Variants in JARID2 observed in about 807,000 individuals in gnomAD.
JARID2 encodes jumonji and AT-rich interaction domain containing 2.
Under a neutral mutation model 125.6 loss-of-function variants are expected in JARID2, and 21 were observed. The ratio of observed to expected loss-of-function variants is 0.17; its 90% CI spans 0.12 to 0.24. The LOEUF is 0.24. Among genes scored for constraint, JARID2 ranks in the 10% least tolerant of loss-of-function variants. The pLI is 1.00. For synonymous variants in JARID2, 736 were observed against 661.6 expected, an observed-to-expected ratio of 1.11 and a Z score of -1.73; for missense variants, 1,303 against 1,639.6, an observed-to-expected ratio of 0.79 and a Z score of 3.55.
At chr6:15,353,855 C>T (rs928594048) in intron 1 of JARID2, among the ~76,000 whole-genome samples, 3 of 152,148 alleles carry the variant, frequency 2.0e-5, no homozygotes, top group African/African-American at 7.2e-5. Context: ...CTCAGGTGTT[C>T]ATACTTCGTC....
intron 3 of JARID2, among the ~76,000 whole-genome samples, chr6:15,417,783 C>T (rs2127582202): frequency 1.3e-5 from 2 of 152,242 alleles, no homozygotes; most frequent in South Asian, 2.1e-4. Context: ...AAAAAATTCT[C>T]ATGTATAAAT....
At chr6:15,354,279 A>G (rs1763526874) in intron 1 of JARID2, among the ~76,000 whole-genome samples, 1 of 152,220 alleles carries the variant, frequency 6.6e-6, no homozygotes, top group African/African-American at 2.4e-5. Context: ...GCATATTAGC[A>G]GCCGTTAGAA....
chr6:15,297,507 TA>T (rs932639613), intron 1 of JARID2, among the ~76,000 whole-genome samples: 8 of 151,324 alleles, frequency 5.3e-5, no homozygotes, highest in Non-Finnish European at 1.2e-4. Flanking sequence ...TTTTTTAAAC[TA>T]AAAGTGTTTT....
chr6:15,441,982 A>G (rs752206611), intron 3 of JARID2, among the ~76,000 whole-genome samples: 14 of 151,808 alleles, frequency 9.2e-5, no homozygotes, highest in Admixed American at 2.6e-4. Flanking sequence ...AGTAGAGACC[A>G]TGTTAGTCAG....
At chr6:15,440,959 TTAAG>T (rs1325465268) in intron 3 of JARID2, among the ~76,000 whole-genome samples, 1 of 152,228 alleles carries the variant, frequency 6.6e-6, no homozygotes, top group Non-Finnish European at 1.5e-5. Context: ...TGGTGATAGT[TTAAG>T]TAATGCCCCA....
chr6:15,509,047 G>T lies in JARID2; in HGVS notation c.2846+593G>T, dbSNP rs142603430. On this transcript the variant is annotated intron_variant, in intron 12 of 17. Transcript: ENST00000341776. ...TTGGGAATCTCGTTCCTGCCATGTG[G>T]AGACACGCGCGTTATGTACCCTGTG... 2,463 of 1,289,326 alleles carry T rather than the reference G, an allele frequency of 1.9e-3. 5 individuals carry two copies. The highest frequency in any genetic ancestry group is 2.3e-3 in the Non-Finnish European group (2,290 of 988,868). 79.9% of individuals were successfully genotyped at this position (1,289,326 alleles called of 1,614,324 possible).
At chr6:15,314,601 G>A (rs917658024) in intron 1 of JARID2, among the ~76,000 whole-genome samples, 3 of 152,126 alleles carry the variant, frequency 2.0e-5, no homozygotes, top group African/African-American at 7.2e-5. Context: ...AATCAGTTTG[G>A]TGCTTGTGTA....
Position 15,505,703 on chromosome 6 carries a change from G to A in JARID2, c.2541+1111G>A, listed in dbSNP as rs560244045. The stretch of plus-strand genomic sequence containing the variant: ...TGCCTACACTGTGTACCCTGGGTGC[G>A]GCTGTTGAATGCCACGCAGTGGCCT... On this transcript the variant is annotated intron_variant, in intron 9 of 17. Transcript: ENST00000341776. Among the ~76,000 whole-genome samples the A allele has an allele frequency of 5.3e-5, 8 of 152,364 alleles. No individual in the cohort carries two copies. In the East Asian group the frequency reaches 1.2e-3, roughly 22 times the overall value.
intron 2 of JARID2, among the ~76,000 whole-genome samples, chr6:15,385,053 G>T (rs1394973021): frequency 3.3e-5 from 5 of 152,164 alleles, no homozygotes; most frequent in African/African-American, 1.2e-4. Flanking sequence ...TGCAAATGAG[G>T]CTGTGCTATG....
intron 1 of JARID2, among the ~76,000 whole-genome samples, chr6:15,324,849 TAA>T (rs376782627): frequency 5.7e-5 from 8 of 139,880 alleles, no homozygotes; most frequent in Non-Finnish European, 4.7e-5. Flanking sequence ...GTTTTGTTAT[TAA>T]AAAAAAAAAA....
intron 1 of JARID2, among the ~76,000 whole-genome samples, chr6:15,253,787 G>A (rs764852274): frequency 1.3e-5 from 2 of 152,104 alleles, no homozygotes; most frequent in African/African-American, 2.4e-5. Context: ...TTCTCTTAAC[G>A]GGATTGTGAA....
At chr6:15,413,550 T>G (rs1359223409) in intron 3 of JARID2, among the ~76,000 whole-genome samples, 1 of 152,240 alleles carries the variant, frequency 6.6e-6, no homozygotes, top group Non-Finnish European at 1.5e-5. Flanking sequence ...GCATTATAAC[T>G]TGGCAAGAGA....
intron 3 of JARID2, among the ~76,000 whole-genome samples, chr6:15,423,531 G>A (rs1044467370): frequency 3.3e-5 from 5 of 152,186 alleles, no homozygotes; most frequent in African/African-American, 1.2e-4. Flanking sequence ...ACAAAGACAG[G>A]CTGGTATTTT....
At chr6:15,332,354 A>T (rs1762737454) in intron 1 of JARID2, among the ~76,000 whole-genome samples, 1 of 152,228 alleles carries the variant, frequency 6.6e-6, no homozygotes, top group South Asian at 2.1e-4. Context: ...ATTAGAATAT[A>T]TCATGTAATA....
chr6:15,421,541 T>C (rs1353831480), intron 3 of JARID2, among the ~76,000 whole-genome samples: 1 of 152,208 alleles, frequency 6.6e-6, no homozygotes, highest in African/African-American at 2.4e-5. Context: ...CCTGTGACTA[T>C]TAGAAGTCCT....
intron 1 of JARID2, among the ~76,000 whole-genome samples, chr6:15,306,961 A>C (rs1327107680): frequency 1.3e-5 from 2 of 149,952 alleles, no homozygotes; most frequent in African/African-American, 4.9e-5. Flanking sequence ...AAAAATTTAG[A>C]CTGGGCGTGG....
chr6:15,352,578 C>T (rs1213808743), intron 1 of JARID2, among the ~76,000 whole-genome samples: 1 of 152,134 alleles, frequency 6.6e-6, no homozygotes, highest in African/African-American at 2.4e-5. Flanking sequence ...AGATCCTTTT[C>T]CTGTGCTTCA....
At chr6:15,255,138 CTTT>C (rs753848936) in intron 1 of JARID2, among the ~76,000 whole-genome samples, 4 of 121,186 alleles carry the variant, frequency 3.3e-5, no homozygotes, top group African/African-American at 6.0e-5. Flanking sequence ...ACTAGGAATT[CTTT>C]TTTTTTTTTT....
intron 6 of JARID2, among the ~76,000 whole-genome samples, chr6:15,495,835 G>A (rs1770387384): frequency 6.6e-6 from 1 of 152,162 alleles, no homozygotes; most frequent in South Asian, 2.1e-4. Flanking sequence ...GAAGAGCAAT[G>A]GGAACGTGAA....
Sources: gnomAD v4.1 joint callset for allele counts (sites outside exome capture counted in the v4.1 genomes callset) on GRCh38, gnomAD v4.1.1 for gene constraint, MANE v1.5 for transcripts, NCBI Gene and HGNC (gene_info 2026-07-23, HGNC 2026-07-21) for gene names.